Variants in MED12L observed in about 807,000 individuals in gnomAD.
MED12L encodes the protein mediator complex subunit 12L.
MED12L carries 60 observed loss-of-function variants against 281.3 expected under a neutral mutation model. The observed-to-expected ratio is 0.21, with a 90% CI of 0.17 to 0.26. The LOEUF (loss-of-function observed/expected upper bound fraction) is 0.26, where lower values mean the gene tolerates loss of function less well. MED12L is among the 10% of genes least tolerant of loss of function. The probability of loss-of-function intolerance (pLI) is 1.00; values close to 1 mark genes in which losing one functional copy is unlikely to be tolerated. For synonymous variants in MED12L, 974 were observed against 987.2 expected, an observed-to-expected ratio of 0.99 and a Z score of 0.25; for missense variants, 2,146 against 2,680.9, an observed-to-expected ratio of 0.80 and a Z score of 4.41.
chr3:151,401,273 TTTTG>T (rs904008235), intron 39 of MED12L, among the ~76,000 whole-genome samples: 8 of 137,600 alleles, frequency 5.8e-5, no homozygotes, highest in Admixed American at 7.3e-5. Context: ...TATTCAGTTT[TTTTG>T]TTTGTTTTTT....
chr3:151,382,504 A>G (rs1055668217), intron 32 of MED12L, 152 bp from the exon 33 acceptor site: 17 of 494,018 alleles, frequency 3.4e-5, no homozygotes, highest in Middle Eastern at 5.0e-4. Flanking sequence ...TTCTTTCTGC[A>G]TGGAGGAAGA....
At chr3:151,306,671 C>T (rs898065962) in intron 16 of MED12L, among the ~76,000 whole-genome samples, 15 of 152,204 alleles carry the variant, frequency 9.9e-5, no homozygotes, top group African/African-American at 2.4e-4. Context: ...ATTTGTACCA[C>T]GCCGGGGGAA....
intron 11 of MED12L, among the ~76,000 whole-genome samples, chr3:151,166,884 C>T (rs915071319): frequency 3.3e-5 from 5 of 152,082 alleles, no homozygotes; most frequent in African/African-American, 1.2e-4. Flanking sequence ...ACCATGTTGG[C>T]CATGCTGATC....
intron 13 of MED12L, among the ~76,000 whole-genome samples, chr3:151,189,256 G>A (rs959088286): frequency 1.3e-5 from 2 of 152,198 alleles, no homozygotes; most frequent in Non-Finnish European, 2.9e-5. Context: ...AGTGAGACCT[G>A]CAGGTGAGGT....
In MED12L at chr3:151,152,085, G is replaced by GTTTTTTTTTT. The variant is rs141353889; in HGVS notation, c.557-4054_557-4045dup. Among the ~76,000 whole-genome samples, 85 of 63,016 alleles carry GTTTTTTTTTT rather than the reference G, an allele frequency of 1.3e-3. 7 individuals are homozygous for GTTTTTTTTTT. Among genetic ancestry groups the GTTTTTTTTTT allele is most frequent in the African/African-American group, 5.1e-3 (81 of 16,006 alleles). The allele number at this position is 63,016 out of a possible 152,430, so 41.3% of individuals were successfully genotyped here. ...AAGAATTGTGGATCAGTTGAAGGTGGTTTTTTTTTTTTTTTTTTTTTTTTT... is the reference window on the plus strand; with the variant it reads ...AAGAATTGTGGATCAGTTGAAGGTGGTTTTTTTTTTTTTTTTTTTTTTTTTTTTTTTTTTT... On this transcript the variant is annotated intron_variant, in intron 5 of 44. Transcript: ENST00000687756.
chr3:151,315,173 C>T (rs532020543), intron 16 of MED12L, among the ~76,000 whole-genome samples: 33 of 152,280 alleles, frequency 2.2e-4, no homozygotes, highest in Admixed American at 2.0e-3. Context: ...ATTGTGGTCT[C>T]CTCTATCTTA....
rs750362515 is a variant in MED12L, at chr3:151,318,135, A to AT, written c.2251-31910dup. On this transcript the variant is annotated intron_variant, in intron 16 of 44. Coordinates refer to ENST00000687756, the MANE Select transcript of MED12L (RefSeq NM_001393769.1). ...ACAAAAACAGACACCTACAATTTTA[A>AT]TTTTTTTTTTTTTTACATTCTGCTT... is the stretch of plus-strand genomic sequence containing the variant. 5.5e-3 allele frequency among the ~76,000 whole-genome samples: 803 copies of AT among 145,142 alleles called. 2 individuals are homozygous for AT. The highest frequency in any genetic ancestry group is 0.013 in the African/African-American group (519 of 39,832).
At chr3:151,294,900 A>G in intron 16 of MED12L, 9 of 1,614,038 alleles carry the variant, frequency 5.6e-6, no homozygotes, top group African/African-American at 1.3e-5. Context: ...ACTGAAGTGT[A>G]TCTGCAGAGA....
intron 31 of MED12L, among the ~76,000 whole-genome samples, chr3:151,379,620 A>G (rs949494826): frequency 6.6e-6 from 1 of 152,114 alleles, no homozygotes; most frequent in African/African-American, 2.4e-5. Context: ...CTCTACTAAC[A>G]CCCTGCTTTT....
intron 1 of MED12L, chr3:151,086,594 C>T (rs1003920044): frequency 4.8e-6 from 1 of 206,438 alleles, no homozygotes; most frequent in African/African-American, 2.3e-5. Flanking sequence ...TGCTCCTCCC[C>T]CTGGAGACAA....
intron 16 of MED12L, chr3:151,328,693 C>G: frequency 6.2e-7 from 1 of 1,613,960 alleles, no homozygotes; most frequent in Non-Finnish European, 8.5e-7. Flanking sequence ...CATAAAATAT[C>G]ACCGAAGAAA....
At chr3:151,284,296 T>C (rs189323189) in intron 16 of MED12L, among the ~76,000 whole-genome samples, 66 of 152,210 alleles carry the variant, frequency 4.3e-4, no homozygotes, top group Admixed American at 2.9e-3. Context: ...GTTTTTTTTT[T>C]TCTACCCAAA....
chr3:151,165,915 C>G lies in MED12L; in HGVS notation c.1427C>G (p.Ser476Cys). 6.2e-7 allele frequency: 1 copy of G among 1,613,804 alleles called. No homozygotes were observed. The highest frequency in any genetic ancestry group is 8.5e-7 in the Non-Finnish European group (1 of 1,179,772). Residue 476 changes from serine to cysteine, a missense_variant, in exon 11 of 45, where the codon TCC (serine) becomes TGC (cysteine). Coordinates refer to ENST00000687756, the MANE Select transcript of MED12L (RefSeq NM_001393769.1). Reference protein sequence around the residue: ...LDRHCFDRTDSSNSMETLYHK... With the variant: ...LDRHCFDRTDCSNSMETLYHK... Reference sequence around the variant, plus strand: ...CGTCACTGTTTTGACCGAACTGATTCCAGCAATTCCATGGAGACACTTTAT... The same window carrying G: ...CGTCACTGTTTTGACCGAACTGATTGCAGCAATTCCATGGAGACACTTTAT...
At chr3:151,096,622 G>T (rs1720749895) in intron 2 of MED12L, among the ~76,000 whole-genome samples, 1 of 152,158 alleles carries the variant, frequency 6.6e-6, no homozygotes, top group Admixed American at 6.5e-5. Flanking sequence ...GTTCTGTTTT[G>T]CTGAGAGAGG....
At chr3:151,114,555 A>T (rs545967244) in intron 2 of MED12L, among the ~76,000 whole-genome samples, 5 of 152,132 alleles carry the variant, frequency 3.3e-5, no homozygotes, top group Non-Finnish European at 7.4e-5. Flanking sequence ...GCAGTTACAT[A>T]GAGGAATAAG....
intron 11 of MED12L, among the ~76,000 whole-genome samples, chr3:151,174,708 A>G (rs1721829358): frequency 6.6e-6 from 1 of 151,976 alleles, no homozygotes; most frequent in Non-Finnish European, 1.5e-5. Flanking sequence ...TATTTTTTTA[A>G]TTTTTTTTAT....
At position 151,415,984 on chromosome 3, in the gene MED12L, C is replaced by T. The variant is rs1457891334; in HGVS notation, c.6298-328C>T. 4.6e-5 allele frequency among the ~76,000 whole-genome samples: 7 copies of T among 152,084 alleles called. No individual in the cohort carries two copies. In the East Asian group the frequency reaches 9.6e-4, roughly 21 times the overall value. On this transcript the variant is annotated intron_variant, in intron 42 of 44. Coordinates refer to ENST00000687756, the MANE Select transcript of MED12L (RefSeq NM_001393769.1). ...GTAGTGTAAGAAGGGATAAAACATG[C>T]GGAAGGACAAAGGACATGAAAGGAA... is the stretch of plus-strand genomic sequence containing the variant.
intron 16 of MED12L, among the ~76,000 whole-genome samples, chr3:151,233,658 G>T (rs1031152988): frequency 6.6e-6 from 1 of 152,178 alleles, no homozygotes; most frequent in Non-Finnish European, 1.5e-5. Flanking sequence ...ACTTGAACCC[G>T]GGAGGCGGAG....
chr3:151,160,912 G>T (rs560877446), intron 8 of MED12L, among the ~76,000 whole-genome samples: 4 of 152,352 alleles, frequency 2.6e-5, no homozygotes, highest in African/African-American at 9.6e-5. Context: ...GAAAGATCAA[G>T]TAAAAAGAAG....
Sources: gnomAD v4.1 joint callset for allele counts (sites outside exome capture counted in the v4.1 genomes callset) on GRCh38, gnomAD v4.1.1 for gene constraint, MANE v1.5 for transcripts, NCBI Gene and HGNC (gene_info 2026-07-23, HGNC 2026-07-21) for gene names.